The following MME variants were observed in gnomAD, a reference collection of about 807,000 sequenced individuals.
MME encodes the protein neprilysin.
A neutral mutation model predicts 113.2 loss-of-function variants in MME; 98 were observed. The observed-to-expected ratio is 0.87, with a 90% confidence interval of 0.74 to 1.02. The LOEUF (loss-of-function observed/expected upper bound fraction) is 1.02, where lower values mean the gene tolerates loss of function less well. MME is among the 50% of genes least tolerant of loss of function. The pLI is 0.00. For synonymous variants in MME, 292 were observed against 300.6 expected, an observed-to-expected ratio of 0.97 and a Z score of 0.30; for missense variants, 836 against 896.0, an observed-to-expected ratio of 0.93 and a Z score of 0.86.
intron 1 of MME, among the ~76,000 whole-genome samples, chr3:155,066,504 G>A (rs1245963343): frequency 6.6e-6 from 1 of 152,062 alleles, no homozygotes. Context: ...GAGTATCGTC[G>A]TTTGAAAGTA....
Position 155,160,717 on chromosome 3 carries a change from TTTTTA to T in MME, c.1660+278_1660+282del, listed in dbSNP as rs200770339. 5.8e-3 allele frequency among the ~76,000 whole-genome samples: 888 copies of T among 152,222 alleles called. 4 individuals are homozygous for T. The highest frequency in any genetic ancestry group is 0.02 in the African/African-American group (846 of 41,562). Reference sequence around the variant, plus strand: ...AAATGGTTTATCTTATTTCTAAATATTTTTATTTTATTTCTAAGTACCTTTTTTAA... The same window carrying T: ...AAATGGTTTATCTTATTTCTAAATATTTTTATTTCTAAGTACCTTTTTTAA... On this transcript the variant is annotated intron_variant, in intron 17 of 22. Transcript: ENST00000360490.
In MME at chr3:155,181,326, G is replaced by T. The variant is rs1242945260; in HGVS notation, c.*867G>T. The stretch of plus-strand genomic sequence containing the variant: ...AAGATCTATAAAGCGATATACAGAT[G>T]AAAATTTGAGACTATTTAAACTTAT... On this transcript the variant is annotated 3_prime_UTR_variant, in exon 23 of 23. Coordinates refer to ENST00000360490, the MANE Select transcript of MME (RefSeq NM_007289.4). 1 of 152,096 alleles carries T rather than the reference G, an allele frequency of 6.6e-6. No individual in the cohort carries two copies. The highest frequency in any genetic ancestry group is 1.5e-5 in the Non-Finnish European group (1 of 68,016). The allele number at this position is 152,096 out of a possible 1,614,324, so 9.4% of individuals were successfully genotyped here. A position where few individuals can be genotyped will look rare whatever the true frequency, so the allele number is the denominator to read the frequency against.
chr3:155,106,406 C>T (rs796701449), intron 3 of MME, among the ~76,000 whole-genome samples: 12 of 152,164 alleles, frequency 7.9e-5, no homozygotes, highest in African/African-American at 2.9e-4. Flanking sequence ...TGGGGGCAGG[C>T]ATTTTCATTT....
chr3:155,071,373 A>G (rs529131376), intron 1 of MME, among the ~76,000 whole-genome samples: 3 of 152,294 alleles, frequency 2.0e-5, no homozygotes, highest in Admixed American at 1.3e-4. Context: ...GAATAGGCCC[A>G]ATTCTATGTT....
chr3:155,037,821 C>A (rs1479603091), intron 1 of MME, among the ~76,000 whole-genome samples: 1 of 151,966 alleles, frequency 6.6e-6, no homozygotes, highest in Non-Finnish European at 1.5e-5. Context: ...CTTGATAGGA[C>A]CAGTTTTGGT....
rs1716718842 is a variant in MME at position 155,096,149 on chromosome 3, G to C, written c.196+11055G>C. ...AAGTAACCAGGGCCCAGGTCACACA[G>C]GGTCTTATATGCCATGATAAATGGG... On this transcript the variant is annotated intron_variant, in intron 3 of 22. Transcript: ENST00000360490. Among the ~76,000 whole-genome samples, 4 of 152,136 alleles carry C rather than the reference G, an allele frequency of 2.6e-5. No individual in the cohort carries two copies. In the South Asian group the frequency reaches 8.3e-4, roughly 32 times the overall value.
intron 8 of MME, among the ~76,000 whole-genome samples, chr3:155,132,422 G>A (rs1469797811): frequency 6.6e-6 from 1 of 152,098 alleles, no homozygotes; most frequent in Non-Finnish European, 1.5e-5. Context: ...TCATCTCATT[G>A]GTAGTGTGTG....
chr3:155,072,234 T>A (rs1027444021), intron 1 of MME, among the ~76,000 whole-genome samples: 2 of 143,946 alleles, frequency 1.4e-5, no homozygotes, highest in African/African-American at 5.0e-5. Flanking sequence ...CTTGCCTCCA[T>A]CCTTTCCCAT....
intron 3 of MME, among the ~76,000 whole-genome samples, chr3:155,089,076 T>G (rs568405560): frequency 6.6e-6 from 1 of 152,354 alleles, no homozygotes; most frequent in Non-Finnish European, 1.5e-5. Context: ...CATAAAATGA[T>G]GTTTATGTAT....
chr3:155,116,531 A>C lies in MME; in HGVS notation c.411A>C (p.Lys137Asn). 15 of 1,612,560 alleles carry C rather than the reference A, an allele frequency of 9.3e-6. No homozygotes were observed. Among genetic ancestry groups the C allele is most frequent in the Non-Finnish European group, 1.3e-5 (15 of 1,178,892 alleles). The change falls in exon 5 of 23, where the codon AAA (lysine) becomes AAC (asparagine). Residue 137 changes from lysine to asparagine, a missense_variant. Lys to Asn is a moderately conservative substitution (Grantham distance 94). Transcript: ENST00000360490. ...ATATAGTAGCAGTGCAGAAAGCAAA[A>C]GCATTGTACAGGTCTTGTATAAATG... is the stretch of plus-strand genomic sequence containing the variant. The part of the protein sequence containing the change: ...TEDIVAVQKA[K>N]ALYRSCINES...
At chr3:155,076,008 A>C (rs1161835238), upstream of MME, among the ~76,000 whole-genome samples, 3 of 152,288 alleles carry the variant, frequency 2.0e-5, no homozygotes, top group South Asian at 6.2e-4. Context: ...TCTTCCATAA[A>C]CTATTATTTT....
intron 3 of MME, among the ~76,000 whole-genome samples, chr3:155,094,632 A>G (rs57486729): frequency 9.7e-4 from 148 of 152,332 alleles, no homozygotes; most frequent in African/African-American, 3.4e-3. Context: ...GTCATCCTTT[A>G]TGAACAACAT....
At chr3:155,078,730 T>C (rs1714869343), upstream of MME, among the ~76,000 whole-genome samples, 1 of 151,372 alleles carries the variant, frequency 6.6e-6, no homozygotes, top group South Asian at 2.1e-4. Flanking sequence ...GGATCAGTAT[T>C]AAAGGTACTT....
In MME at chr3:155,166,929, CCTT is replaced by C; in HGVS notation, c.1692_1694del (p.Phe565del). 1 of 1,613,716 alleles carries C rather than the reference CCTT, an allele frequency of 6.2e-7. No individual in the cohort carries two copies. The highest frequency in any genetic ancestry group is 8.5e-7 in the Non-Finnish European group (1 of 1,179,758). ...TTCCCAGCCGGCATTCTGCAGCCCC[CCTT>C]CTTTAGTGCCCAGCAGTCCAACTCA... On this transcript the variant is annotated inframe_deletion, in exon 18 of 23. Transcript: ENST00000360490.
chr3:155,076,929 A>T (rs1010556783), upstream of MME, among the ~76,000 whole-genome samples: 1 of 152,220 alleles, frequency 6.6e-6, no homozygotes, highest in Non-Finnish European at 1.5e-5. Context: ...GGTCACTTTC[A>T]TGGCCATCTT....
At position 155,116,908 on chromosome 3, in the gene MME, T is replaced by C. The variant is rs1256021451; in HGVS notation, c.576T>C (p.Asn192=). Residue 192 remains asparagine, a synonymous_variant, in exon 7 of 23, where the codon AAT becomes AAC. Transcript: ENST00000360490. ...CTGAAAAAGCTATTGCACAACTGAA[T>C]TCTAAATATGGGAAAAAAGTCCTTA... ...WTAEKAIAQL[N]SKYGKKVLIN... 1 of 1,612,662 alleles carries C rather than the reference T, an allele frequency of 6.2e-7. No homozygotes were observed. Among genetic ancestry groups the C allele is most frequent in the Non-Finnish European group, 8.5e-7 (1 of 1,178,922 alleles).
intron 16 of MME, among the ~76,000 whole-genome samples, chr3:155,154,973 C>A (rs1263121910): frequency 1.3e-5 from 2 of 152,102 alleles, no homozygotes; most frequent in East Asian, 3.9e-4. Flanking sequence ...CAGTATCTGC[C>A]ATGGCATCCT....
intron 1 of MME, among the ~76,000 whole-genome samples, chr3:155,032,977 A>C (rs1713019982): frequency 6.6e-6 from 1 of 152,200 alleles, no homozygotes; most frequent in East Asian, 1.9e-4. Flanking sequence ...CTTTTGGGAA[A>C]GGCATATTTA....
In MME at chr3:155,180,651, A is replaced by G. The variant is rs1483259877; in HGVS notation, c.*192A>G. On this transcript the variant is annotated 3_prime_UTR_variant, in exon 23 of 23. Transcript: ENST00000360490. ...GGGTGTGGAGGGAGGAAGGGGGTCT[A>G]AGGTCTATCAAGTCAATCATTTCTC... The G allele has an allele frequency of 5.0e-6, 3 of 597,490 alleles. No homozygotes were observed. Among genetic ancestry groups the G allele is most frequent in the African/African-American group, 1.9e-5 (1 of 53,336 alleles). 37.0% of individuals were successfully genotyped at this position (597,490 alleles called of 1,614,324 possible). A position where few individuals can be genotyped will look rare whatever the true frequency, so the allele number is the denominator to read the frequency against.
Sources: gnomAD v4.1 joint callset for allele counts (sites outside exome capture counted in the v4.1 genomes callset) on GRCh38, gnomAD v4.1.1 for gene constraint, MANE v1.5 for transcripts, NCBI Gene and HGNC (gene_info 2026-07-23, HGNC 2026-07-21) for gene names.